Variants in MDGA2 observed in about 807,000 individuals in gnomAD.
The protein encoded by MDGA2 is MAM domain-containing glycosylphosphatidylinositol anchor protein 2.
Under a neutral mutation model 117.8 loss-of-function variants are expected in MDGA2, and 40 were observed. The ratio of observed to expected loss-of-function variants is 0.34; its 90% CI spans 0.26 to 0.44. The LOEUF (loss-of-function observed/expected upper bound fraction) is 0.44, where lower values mean the gene tolerates loss of function less well. Ranked by LOEUF, MDGA2 falls within the 20% of genes least tolerant of loss-of-function variation. MDGA2 has a pLI of 1.00. For missense variants in MDGA2, 1,123 were observed against 1,250.6 expected, an observed-to-expected ratio of 0.90 and a Z score of 1.54; for synonymous variants, 452 against 439.0, an observed-to-expected ratio of 1.03 and a Z score of -0.37.
intron 1 of MDGA2, among the ~76,000 whole-genome samples, chr14:47,570,745 A>G (rs1383046895): frequency 6.6e-6 from 1 of 152,190 alleles, no homozygotes; most frequent in African/African-American, 2.4e-5. Context: ...CACCTTATAC[A>G]AAAATTAATT....
At chr14:46,885,838 A>G (rs1033554517) in intron 10 of MDGA2, among the ~76,000 whole-genome samples, 3 of 152,154 alleles carry the variant, frequency 2.0e-5, no homozygotes, top group Non-Finnish European at 4.4e-5. Flanking sequence ...GACGCTGCAC[A>G]TGCCTTGATT....
chr14:47,664,203 T>C (rs1290352496), intron 1 of MDGA2, among the ~76,000 whole-genome samples: 2 of 152,240 alleles, frequency 1.3e-5, no homozygotes, highest in Non-Finnish European at 2.9e-5. Flanking sequence ...TTCATGCACA[T>C]ATTTATAATA....
At chr14:47,622,268 CTA>C (rs1285165151) in intron 1 of MDGA2, among the ~76,000 whole-genome samples, 6 of 152,160 alleles carry the variant, frequency 3.9e-5, no homozygotes, top group Non-Finnish European at 8.8e-5. Flanking sequence ...AATGACATCA[CTA>C]TTTTTTACTC....
At chr14:47,045,931 C>G (rs1375286852) in intron 7 of MDGA2, among the ~76,000 whole-genome samples, 1 of 150,426 alleles carries the variant, frequency 6.6e-6, no homozygotes, top group African/African-American at 2.5e-5. Flanking sequence ...TGCCACTGCA[C>G]TCCAGCCTGG....
chr14:47,241,654 G>A (rs1887045255), intron 2 of MDGA2, among the ~76,000 whole-genome samples: 1 of 151,756 alleles, frequency 6.6e-6, no homozygotes, highest in African/African-American at 2.4e-5. Flanking sequence ...GAAAAGAGTA[G>A]AAATGTTGTC....
intron 1 of MDGA2, among the ~76,000 whole-genome samples, chr14:47,371,815 T>C (rs903147796): frequency 4.6e-5 from 7 of 151,910 alleles, no homozygotes; most frequent in Non-Finnish European, 1.0e-4. Flanking sequence ...TATAACATCA[T>C]ACAAATCAGT....
chr14:46,943,041 A>G (rs1885054128), intron 9 of MDGA2, among the ~76,000 whole-genome samples: 1 of 152,030 alleles, frequency 6.6e-6, no homozygotes, highest in South Asian at 2.1e-4. Flanking sequence ...TCCTTGTAGT[A>G]TTTTTTATTT....
At chr14:46,843,068 A>G (rs1438324000) in intron 16 of MDGA2, among the ~76,000 whole-genome samples, 3 of 152,148 alleles carry the variant, frequency 2.0e-5, no homozygotes, top group African/African-American at 7.2e-5. Context: ...TTAAATATAA[A>G]TACACCCAAT....
chr14:47,670,606 A>G (rs886299313), intron 1 of MDGA2, among the ~76,000 whole-genome samples: 3 of 152,168 alleles, frequency 2.0e-5, no homozygotes, highest in African/African-American at 7.2e-5. Flanking sequence ...AGCTCTAGGT[A>G]CTTCAATAAG....
intron 1 of MDGA2, among the ~76,000 whole-genome samples, chr14:47,474,383 T>A (rs903684737): frequency 2.0e-5 from 3 of 151,942 alleles, no homozygotes; most frequent in Admixed American, 2.0e-4. Context: ...GAAGAATCAA[T>A]ATCATGAAAA....
chr14:47,456,702 T>C (rs142266140), intron 1 of MDGA2, among the ~76,000 whole-genome samples: 3,050 of 152,224 alleles, frequency 0.02, 40 homozygotes, highest in Middle Eastern at 0.041. Flanking sequence ...TTGTGAGAGA[T>C]AAATAAATGC....
At chr14:47,431,729 T>C (rs1320955198) in intron 1 of MDGA2, among the ~76,000 whole-genome samples, 1 of 152,070 alleles carries the variant, frequency 6.6e-6, no homozygotes, top group South Asian at 2.1e-4. Context: ...TGTAACTTCA[T>C]GGTGAAAAAT....
intron 1 of MDGA2, among the ~76,000 whole-genome samples, chr14:47,359,748 CAAAA>C (rs71448198): frequency 9.0e-6 from 1 of 110,786 alleles, no homozygotes; most frequent in Non-Finnish European, 1.8e-5. Flanking sequence ...AAGACTGTCT[CAAAA>C]AAAAAAAAAA....
chr14:47,233,508 C>G (rs2139578558), intron 2 of MDGA2, among the ~76,000 whole-genome samples: 1 of 152,098 alleles, frequency 6.6e-6, no homozygotes, highest in Admixed American at 6.5e-5. Context: ...GTACTTTAGC[C>G]TTGGTTGTCA....
At chr14:47,215,138 C>T (rs993365002) in intron 3 of MDGA2, among the ~76,000 whole-genome samples, 2 of 151,914 alleles carry the variant, frequency 1.3e-5, no homozygotes, top group South Asian at 2.1e-4. Flanking sequence ...GAAACAGAAA[C>T]CTACAATGCA....
At chr14:47,618,905 C>G (rs1215200287) in intron 1 of MDGA2, among the ~76,000 whole-genome samples, 1 of 151,942 alleles carries the variant, frequency 6.6e-6, no homozygotes, top group African/African-American at 2.4e-5. Context: ...GCCACACATA[C>G]AAGGCACACT....
chr14:47,554,532 T>C lies in MDGA2; in HGVS notation c.280+119985A>G, dbSNP rs545968898. ...GGAAAATTTCCAAAGAACAGGGTAA[T>C]TTTATTACTAGTACATTTTTTAATA... is the stretch of plus-strand genomic sequence containing the variant. On this transcript the variant is annotated intron_variant, in intron 1 of 16. Transcript: ENST00000399232. Among the ~76,000 whole-genome samples, 65 of 152,290 alleles carry C rather than the reference T, an allele frequency of 4.3e-4. No homozygotes were observed. The Middle Eastern group carries it at 0.02, about 48-fold the overall frequency.
At chr14:47,615,599 T>C (rs778476875) in intron 1 of MDGA2, among the ~76,000 whole-genome samples, 9 of 152,272 alleles carry the variant, frequency 5.9e-5, no homozygotes, top group Non-Finnish European at 1.3e-4. Flanking sequence ...GGGACTGCAG[T>C]TGAATTAGGT....
chr14:47,480,580 T>C (rs954332175), intron 1 of MDGA2, among the ~76,000 whole-genome samples: 11 of 151,998 alleles, frequency 7.2e-5, no homozygotes, highest in Non-Finnish European at 1.6e-4. Flanking sequence ...TAGACATTAA[T>C]ATTATTTTTA....
Sources: gnomAD v4.1 joint callset for allele counts (sites outside exome capture counted in the v4.1 genomes callset) on GRCh38, gnomAD v4.1.1 for gene constraint, MANE v1.5 for transcripts, NCBI Gene and HGNC (gene_info 2026-07-23, HGNC 2026-07-21) for gene names.